The following IQCB1 variants were observed in gnomAD, a reference collection of about 807,000 sequenced individuals.
The protein encoded by IQCB1 is IQ calmodulin-binding motif-containing protein 1.
Under a neutral mutation model 84.4 loss-of-function variants are expected in IQCB1, and 56 were observed. The observed-to-expected ratio is 0.66, with a 90% CI of 0.54 to 0.83. The LOEUF (loss-of-function observed/expected upper bound fraction) is 0.83, where lower values mean the gene tolerates loss of function less well. IQCB1 is among the 40% of genes least tolerant of loss of function. The probability of loss-of-function intolerance (pLI) is 0.00; values close to 1 mark genes in which losing one functional copy is unlikely to be tolerated. For missense variants in IQCB1, 629 were observed against 682.1 expected (o/e 0.92, Z 0.87); for synonymous variants, 210 against 234.8 (o/e 0.89, Z 0.96).
At chr3:121,774,564 A>G (rs1306121162) in intron 13 of IQCB1, among the ~76,000 whole-genome samples, 1 of 152,242 alleles carries the variant, frequency 6.6e-6, no homozygotes, top group Non-Finnish European at 1.5e-5. Flanking sequence ...TGTAGTATAT[A>G]TAATGGAATA....
chr3:121,770,228 G>A lies in IQCB1; in HGVS notation c.*117C>T, dbSNP rs187366760. The A allele has an allele frequency of 2.0e-5, 14 of 708,320 alleles. No homozygotes were observed. In the East Asian group the frequency reaches 3.8e-4, roughly 19 times the overall value. 43.9% of individuals were successfully genotyped at this position (708,320 alleles called of 1,614,324 possible). On this transcript the variant is annotated 3_prime_UTR_variant, in exon 15 of 15. Coordinates refer to ENST00000310864, the MANE Select transcript of IQCB1 (RefSeq NM_001023570.4). Reference sequence around the variant, plus strand: ...CTTTGCTTACTGCAGGTCTTGTCTGGAGGAGAACCTCTGGAAAATAATAAG... The same window carrying A: ...CTTTGCTTACTGCAGGTCTTGTCTGAAGGAGAACCTCTGGAAAATAATAAG...
chr3:121,779,565 C>T (rs1382693787), intron 13 of IQCB1, among the ~76,000 whole-genome samples: 1 of 151,926 alleles, frequency 6.6e-6, no homozygotes, highest in Non-Finnish European at 1.5e-5. Flanking sequence ...TGTTTTAATG[C>T]CCTTCTCTGC....
rs779202742 is a variant in IQCB1 at position 121,799,807 on chromosome 3, T to C, written c.588-433A>G. On this transcript the variant is annotated intron_variant, in intron 7 of 14. Transcript: ENST00000310864. ...TAGGAATTCTATCATGTGCTTAATA[T>C]AGGAGAAACTTAAAATCTTTCCTTG... is the stretch of plus-strand genomic sequence containing the variant. 3.9e-5 allele frequency among the ~76,000 whole-genome samples: 6 copies of C among 152,026 alleles called. No individual in the cohort carries two copies. The East Asian group carries it at 5.8e-4, about 15-fold the overall frequency.
intron 10 of IQCB1, among the ~76,000 whole-genome samples, chr3:121,792,013 G>A (rs1249596520): frequency 1.3e-5 from 2 of 152,046 alleles, no homozygotes; most frequent in Non-Finnish European, 2.9e-5. Flanking sequence ...TTGAACCTGG[G>A]AGGTGGAGGT....
At chr3:121,832,672 T>C (rs1484981382) in intron 2 of IQCB1, among the ~76,000 whole-genome samples, 1 of 152,332 alleles carries the variant, frequency 6.6e-6, no homozygotes, top group African/African-American at 2.4e-5. Context: ...TTTTCCTCTA[T>C]GGCATCTGTC....
At chr3:121,799,117 A>C (rs1209926658) in intron 8 of IQCB1, 79 bp downstream of exon 8, 4 of 1,038,410 alleles carry the variant, frequency 3.9e-6, no homozygotes, top group Non-Finnish European at 5.9e-6. Context: ...TTTAAAATAT[A>C]AGAATTTTGT....
Position 121,808,915 on chromosome 3 carries a change from C to T in IQCB1, c.487+1G>A, listed in dbSNP as rs1949714664. On this transcript the variant is annotated splice_donor_variant, in intron 6 of 14. Transcript: ENST00000310864. LOFTEE classifies it high-confidence loss of function. Reference sequence around the variant, plus strand: ...AGTTACATTAAAATCTTTTCTCTTACCATTCTGAATAAGTTCAACATGGCC... The same window carrying T: ...AGTTACATTAAAATCTTTTCTCTTATCATTCTGAATAAGTTCAACATGGCC... 6.4e-7 allele frequency: 1 copy of T among 1,574,412 alleles called. No homozygotes were observed. Among genetic ancestry groups the T allele is most frequent in the Admixed American group, 1.7e-5 (1 of 59,828 alleles).
rs1950466114 is a variant in IQCB1, at chr3:121,826,328, ACTTT to A, written c.264-152_264-149del. 1.3e-5 allele frequency: 10 copies of A among 789,358 alleles called. No homozygotes were observed. The Admixed American group carries it at 2.2e-4, about 17-fold the overall frequency. The allele number at this position is 789,358 out of a possible 1,614,324, so 48.9% of individuals were successfully genotyped here. A position where few individuals can be genotyped will look rare whatever the true frequency, so the allele number is the denominator to read the frequency against. On this transcript the variant is annotated intron_variant, in intron 4 of 14. Coordinates refer to ENST00000310864, the MANE Select transcript of IQCB1 (RefSeq NM_001023570.4). ...TTTTTGTTGAAAAATTAGTCTAACA[ACTTT>A]CTAGAAAAGTAAACAGTGGTATGGA...
intron 4 of IQCB1, 84 bp downstream of exon 4, chr3:121,828,386 G>A: frequency 8.4e-7 from 1 of 1,194,568 alleles, no homozygotes; most frequent in South Asian, 1.2e-5. Context: ...ATGCTTGTTA[G>A]GCAGATAAAT....
chr3:121,779,655 T>C (rs1247896089), intron 13 of IQCB1, among the ~76,000 whole-genome samples: 1 of 152,226 alleles, frequency 6.6e-6, no homozygotes, highest in Non-Finnish European at 1.5e-5. Context: ...CCTACTTCCA[T>C]GCATGCCTTT....
intron 5 of IQCB1, among the ~76,000 whole-genome samples, chr3:121,816,571 C>T (rs1045836739): frequency 2.0e-5 from 3 of 151,526 alleles, no homozygotes; most frequent in Non-Finnish European, 2.9e-5. Context: ...AACAAATTTA[C>T]AAGAAAAAAA....
intron 1 of IQCB1, 144 bp from the exon 2 acceptor site, chr3:121,834,623 T>C (rs1708157506): frequency 6.6e-6 from 1 of 152,562 alleles, no homozygotes; most frequent in Non-Finnish European, 1.5e-5. Flanking sequence ...AGAAACTTCC[T>C]CTGGTACAAA....
At chr3:121,790,660 T>C (rs1195651131) in intron 10 of IQCB1, among the ~76,000 whole-genome samples, 1 of 152,156 alleles carries the variant, frequency 6.6e-6, no homozygotes, top group Non-Finnish European at 1.5e-5. Context: ...TATGAAAACA[T>C]AAAATGTTCG....
chr3:121,823,697 A>C (rs967068245), intron 5 of IQCB1, among the ~76,000 whole-genome samples: 1 of 152,252 alleles, frequency 6.6e-6, no homozygotes. Flanking sequence ...GCAGAATTGC[A>C]CTGTAAGATA....
intron 2 of IQCB1, among the ~76,000 whole-genome samples, chr3:121,829,562 G>A (rs1576621505): frequency 6.6e-6 from 1 of 152,164 alleles, no homozygotes; most frequent in Non-Finnish European, 1.5e-5. Context: ...CCTATACAGA[G>A]GGTGCCTATG....
intron 13 of IQCB1, among the ~76,000 whole-genome samples, chr3:121,779,503 T>C (rs1199880719): frequency 6.6e-6 from 1 of 152,190 alleles, no homozygotes; most frequent in Non-Finnish European, 1.5e-5. Context: ...TTTTTTACAT[T>C]TTTCATCTTT....
At position 121,809,028 on chromosome 3, in the gene IQCB1, C is replaced by T. The variant is rs756490393; in HGVS notation, c.394-19G>A. The T allele has an allele frequency of 2.1e-6, 3 of 1,457,596 alleles. No individual in the cohort carries two copies. The highest frequency in any genetic ancestry group is 2.9e-6 in the Non-Finnish European group (3 of 1,043,624). 90.3% of individuals were successfully genotyped at this position (1,457,596 alleles called of 1,614,324 possible). ...CTTCAGCCTTAACATAAAAGATAAGCCCAGTTTACTTTTCTATAGTTTTTT... is the reference window on the plus strand; with the variant it reads ...CTTCAGCCTTAACATAAAAGATAAGTCCAGTTTACTTTTCTATAGTTTTTT... On this transcript the variant is annotated intron_variant, in intron 5 of 14. Transcript: ENST00000310864.
intron 12 of IQCB1, among the ~76,000 whole-genome samples, chr3:121,786,202 A>AGAGAAGAGAAGAGAAGAG (rs1559760960): frequency 2.7e-5 from 4 of 146,200 alleles, no homozygotes; most frequent in African/African-American, 1.1e-4. Flanking sequence ...AAAGAAAAGA[A>AGAGAAGAGAAGAGAAGAG]AAGAAAAGAA....
chr3:121,785,324 C>T (rs1265995855), intron 12 of IQCB1, among the ~76,000 whole-genome samples: 1 of 151,688 alleles, frequency 6.6e-6, no homozygotes, highest in Non-Finnish European at 1.5e-5. Context: ...GTGATCACAG[C>T]TCACTGCAGC....
Sources: allele counts gnomAD v4.1 joint callset (sites outside exome capture counted in the v4.1 genomes callset), GRCh38; gene constraint gnomAD v4.1.1; transcripts MANE v1.5; gene names NCBI Gene and HGNC (gene_info 2026-07-23, HGNC 2026-07-21).